KCNK13: variants seen among roughly 807,000 people sequenced by gnomAD.
KCNK13 encodes potassium channel subfamily K member 13.
A neutral mutation model predicts 23.4 loss-of-function variants in KCNK13; 12 were observed. The observed-to-expected ratio is 0.51, with a 90% CI of 0.33 to 0.83. The LOEUF (loss-of-function observed/expected upper bound fraction) is 0.83, where lower values mean the gene tolerates loss of function less well. Ranked by LOEUF, KCNK13 falls within the 40% of genes least tolerant of loss-of-function variation. The probability of loss-of-function intolerance (pLI) is 0.02; values close to 1 mark genes in which losing one functional copy is unlikely to be tolerated. For missense variants in KCNK13, 463 were observed against 556.3 expected (o/e 0.83, Z 1.69); for synonymous variants, 231 against 229.5 (o/e 1.01, Z -0.06).
Position 90,062,486 on chromosome 14 carries a change from G to T in KCNK13, c.281G>T (p.Arg94Leu), listed in dbSNP as rs1357692998. ...AGIRVDNVRP[R>L]WDFTGAFYFV... ...ATCCGCGTGGACAACGTCCGCCCGC[G>T]CTGGGACTTCACCGGCGCCTTCTAC... The change falls in exon 1 of 2, where the codon CGC (arginine) becomes CTC (leucine). Residue 94 changes from arginine (R) to leucine (L), a missense_variant. Transcript: ENST00000282146. The surrounding 1 kb of genome is among the most constrained non-coding windows in gnomAD (Gnocchi z 4.5). The T allele has an allele frequency of 2.6e-6, 4 of 1,543,220 alleles. No homozygotes were observed. The highest frequency in any genetic ancestry group is 2.0e-5 in the Admixed American group (1 of 50,908).
chr14:90,120,266 T>G (rs1304349545), intron 1 of KCNK13, among the ~76,000 whole-genome samples: 4 of 152,198 alleles, frequency 2.6e-5, no homozygotes, highest in African/African-American at 9.6e-5. Context: ...TATGACTGCA[T>G]AGTATTCCAT....
intron 1 of KCNK13, among the ~76,000 whole-genome samples, chr14:90,110,227 C>T (rs369586162): frequency 1.4e-4 from 22 of 152,268 alleles, no homozygotes; most frequent in East Asian, 1.4e-3. Flanking sequence ...TAAAAATGCA[C>T]CTGAGCCGGT....
intron 1 of KCNK13, among the ~76,000 whole-genome samples, chr14:90,175,029 G>T (rs1275475090): frequency 2.6e-5 from 4 of 152,162 alleles, no homozygotes; most frequent in Non-Finnish European, 5.9e-5. Context: ...TATCTGAGAT[G>T]TACATGACAG....
At chr14:90,106,784 G>A (rs965272259) in intron 1 of KCNK13, among the ~76,000 whole-genome samples, 1 of 152,084 alleles carries the variant, frequency 6.6e-6, no homozygotes. Context: ...CACTTTGGGA[G>A]GCCAAGGTGC....
chr14:90,134,602 G>C (rs918955088), intron 1 of KCNK13, among the ~76,000 whole-genome samples: 1 of 152,174 alleles, frequency 6.6e-6, no homozygotes, highest in African/African-American at 2.4e-5. Context: ...AGCAGCTCAC[G>C]TTATTTAACT....
At chr14:90,068,401 C>G (rs1253642460) in intron 1 of KCNK13, among the ~76,000 whole-genome samples, 4 of 151,972 alleles carry the variant, frequency 2.6e-5, no homozygotes, top group Non-Finnish European at 5.9e-5. Flanking sequence ...TCGAAACCAG[C>G]CTGGCCAACA....
chr14:90,168,058 C>G (rs1361821782), intron 1 of KCNK13, among the ~76,000 whole-genome samples: 1 of 152,082 alleles, frequency 6.6e-6, no homozygotes, highest in African/African-American at 2.4e-5. Flanking sequence ...GAAATGTTTT[C>G]TGCATCACAT....
intron 1 of KCNK13, among the ~76,000 whole-genome samples, chr14:90,142,402 T>C (rs753405421): frequency 7.6e-6 from 1 of 131,790 alleles, no homozygotes; most frequent in Non-Finnish European, 1.6e-5. Context: ...CACTGCAAGC[T>C]CCGCCTCCCA....
rs113055530 is a variant in KCNK13 at position 90,117,125 on chromosome 14, G to A, written c.334+54586G>A. 5.9e-5 allele frequency among the ~76,000 whole-genome samples: 9 copies of A among 152,176 alleles called. 3 individuals are homozygous for A. Among genetic ancestry groups the A allele is most frequent in the South Asian group, 2.1e-4 (1 of 4,808 alleles). On this transcript the variant is annotated intron_variant, in intron 1 of 1. Coordinates refer to ENST00000282146, the MANE Select transcript of KCNK13 (RefSeq NM_022054.4). ...CTGAGCCATTGTTAAGAAAAAGAAG[G>A]GTGACTTGATACAAGCACTGCAGCA...
chr14:90,145,554 C>A (rs1174099396), intron 1 of KCNK13, among the ~76,000 whole-genome samples: 2 of 151,150 alleles, frequency 1.3e-5, no homozygotes, highest in Admixed American at 6.6e-5. Flanking sequence ...GTACTTTTGT[C>A]TTTTTTTTCT....
At chr14:90,095,890 C>G (rs1889404847) in intron 1 of KCNK13, among the ~76,000 whole-genome samples, 1 of 152,170 alleles carries the variant, frequency 6.6e-6, no homozygotes, top group Non-Finnish European at 1.5e-5. Flanking sequence ...TTCTGACTGA[C>G]TGGCAATAAA....
chr14:90,108,023 C>A (rs1216840994), intron 1 of KCNK13: 1 of 667,422 alleles, frequency 1.5e-6, no homozygotes, highest in Admixed American at 1.9e-5. Flanking sequence ...CGCTGACTTT[C>A]CTCCTCAAGA....
chr14:90,160,079 C>T (rs181357448), intron 1 of KCNK13, among the ~76,000 whole-genome samples: 8 of 151,830 alleles, frequency 5.3e-5, no homozygotes, highest in East Asian at 1.9e-4. Flanking sequence ...CTTCAGGCTG[C>T]GGCAAAAAAG....
At chr14:90,105,950 C>T (rs1254384755) in intron 1 of KCNK13, among the ~76,000 whole-genome samples, 4 of 152,190 alleles carry the variant, frequency 2.6e-5, no homozygotes, top group South Asian at 2.1e-4. Flanking sequence ...CCTCCAGAGA[C>T]TTGGGCAGGC....
At chr14:90,084,495 G>A (rs989372910) in intron 1 of KCNK13, among the ~76,000 whole-genome samples, 1 of 152,160 alleles carries the variant, frequency 6.6e-6, no homozygotes, top group Non-Finnish European at 1.5e-5. Flanking sequence ...GTATCCTGTG[G>A]CCTTGCTACG....
chr14:90,163,347 C>T (rs1461232938), intron 1 of KCNK13, among the ~76,000 whole-genome samples: 1 of 152,200 alleles, frequency 6.6e-6, no homozygotes, highest in East Asian at 1.9e-4. Flanking sequence ...ATTATGTCAT[C>T]AGAAGAAAAT....
chr14:90,172,029 A>C (rs901377941), intron 1 of KCNK13, among the ~76,000 whole-genome samples: 2 of 152,144 alleles, frequency 1.3e-5, no homozygotes, highest in African/African-American at 4.8e-5. Context: ...ATAAAGTTAT[A>C]GAAGGGGCCA....
rs75840146 is a variant in KCNK13 at position 90,142,836 on chromosome 14, G to A, written c.335-41275G>A. ...CATTCACTGGTAACAAGGTTGGTTA[G>A]GACTTGGGCTTACATAGCACCTTAA... On this transcript the variant is annotated intron_variant, in intron 1 of 1. Transcript: ENST00000282146. Among the ~76,000 whole-genome samples, 1,255 of 152,308 alleles carry A rather than the reference G, an allele frequency of 8.2e-3. 10 individuals carry two copies. The highest frequency in any genetic ancestry group is 0.014 in the Non-Finnish European group (947 of 68,034).
chr14:90,089,171 C>T (rs779003039), intron 1 of KCNK13, among the ~76,000 whole-genome samples: 1 of 152,126 alleles, frequency 6.6e-6, no homozygotes, highest in African/African-American at 2.4e-5. Flanking sequence ...CAGAAAAAGA[C>T]AGGAAAATGT....
Sources: allele counts gnomAD v4.1 joint callset (sites outside exome capture counted in the v4.1 genomes callset), GRCh38; gene constraint gnomAD v4.1.1; non-coding constraint Gnocchi (gnomAD v3.1); transcripts MANE v1.5; gene names NCBI Gene and HGNC (gene_info 2026-07-23, HGNC 2026-07-21).